OTUD4: variants seen among roughly 807,000 people sequenced by gnomAD.
The protein encoded by OTUD4 is OTU deubiquitinase 4.
OTUD4 carries 24 observed loss-of-function variants against 130.4 expected under a neutral mutation model. The observed-to-expected ratio is 0.18, with a 90% CI of 0.13 to 0.26. The LOEUF is 0.26. Ranked by LOEUF, OTUD4 falls within the 10% of genes least tolerant of loss-of-function variation. OTUD4 has a pLI of 1.00. For missense variants in OTUD4, 1,031 were observed against 1,329.4 expected, an observed-to-expected ratio of 0.78 and a Z score of 3.49; for synonymous variants, 420 against 472.5, an observed-to-expected ratio of 0.89 and a Z score of 1.44.
At position 145,150,626 on chromosome 4, in the gene OTUD4, C is replaced by T. The variant is rs542874923; in HGVS notation, c.1146G>A (p.Gln382=). ...CATGTTGTCTTACTCCTGAAGGATG[C>T]TGCAGTCGAGGAGGTAGTGCTGATG... is the stretch of plus-strand genomic sequence containing the variant. ...KAPSALPPRL[Q]HPSGVRQHAF... The change falls in exon 13 of 21, where the codon CAG becomes CAA. Residue 382 remains glutamine (Q), a synonymous_variant. Transcript: ENST00000447906. The T allele has an allele frequency of 6.2e-7, 1 of 1,613,192 alleles. No individual in the cohort carries two copies. The highest frequency in any genetic ancestry group is 1.7e-5 in the Admixed American group (1 of 59,994).
Position 145,155,684 on chromosome 4 carries a change from C to G in OTUD4, c.693G>C (p.Gln231His), listed in dbSNP as rs745425217. 17 of 1,585,826 alleles carry G rather than the reference C, an allele frequency of 1.1e-5. No homozygotes were observed. In the South Asian group the frequency reaches 1.7e-4, roughly 16 times the overall value. Residue 231 changes from glutamine to histidine, a missense_variant and splice_region_variant, in exon 9 of 21, where the codon CAG becomes CAC. Gln to His is a conservative substitution (Grantham distance 24). Transcript: ENST00000447906. ...TAGTAGAGTTCCCATTGTTCTTCAGCTGCTAAACAAAGTCAGGAAGTCCAA... is the reference window on the plus strand; with the variant it reads ...TAGTAGAGTTCCCATTGTTCTTCAGGTGCTAAACAAAGTCAGGAAGTCCAA... ...NGFKPLSGNE[Q>H]LKNNGNSTSL... is the part of the protein sequence containing the mutation.
chr4:145,164,140 T>C lies in OTUD4; in HGVS notation c.414+14A>G. ...TTTACTTAAATACTTTAGAACACTT[T>C]GAAAAATTCTTACCTTTTCAGGAAA... On this transcript the variant is annotated intron_variant, in intron 5 of 20. Transcript: ENST00000447906. The C allele has an allele frequency of 1.6e-6, 2 of 1,274,488 alleles. No individual in the cohort carries two copies. Among genetic ancestry groups the C allele is most frequent in the Non-Finnish European group, 2.2e-6 (2 of 898,072 alleles). The allele number at this position is 1,274,488 out of a possible 1,614,324, so 78.9% of individuals were successfully genotyped here.
intron 10 of OTUD4, among the ~76,000 whole-genome samples, chr4:145,153,119 A>G (rs1201564299): frequency 6.6e-6 from 1 of 152,186 alleles, no homozygotes; most frequent in Non-Finnish European, 1.5e-5. Flanking sequence ...AATCAAATCC[A>G]TCTCCTTAAC....
chr4:145,158,512 CAAAA>C (rs74576967), intron 7 of OTUD4, among the ~76,000 whole-genome samples: 15 of 141,950 alleles, frequency 1.1e-4, no homozygotes, highest in African/African-American at 3.9e-4. Flanking sequence ...CAAAAAAAAA[CAAAA>C]AAAAAACAAA....
At position 145,150,459 on chromosome 4, in the gene OTUD4, T is replaced by C. The variant is rs1751014743; in HGVS notation, c.1259+54A>G. ...TCAAATGCACATAATGTGGCAAATA[T>C]AACAAATGCCTCTTACTTGATTTCT... On this transcript the variant is annotated intron_variant, in intron 13 of 20. Coordinates refer to ENST00000447906, the MANE Select transcript of OTUD4 (RefSeq NM_001366057.1). The C allele has an allele frequency of 7.9e-6, 10 of 1,259,612 alleles. No individual in the cohort carries two copies. In the South Asian group the frequency reaches 1.2e-4, roughly 15 times the overall value. The allele number at this position is 1,259,612 out of a possible 1,614,324, so 78.0% of individuals were successfully genotyped here.
chr4:145,159,086 T>G (rs575786773), intron 7 of OTUD4: 1 of 977,432 alleles, frequency 1.0e-6, no homozygotes, highest in East Asian at 1.1e-4. Context: ...ACTTGGAACT[T>G]TCATTATCTA....
intron 2 of OTUD4, among the ~76,000 whole-genome samples, chr4:145,174,354 G>A (rs535961335): frequency 2.4e-4 from 36 of 151,954 alleles, no homozygotes; most frequent in Non-Finnish European, 4.9e-4. Context: ...CCCTGACCAT[G>A]TCAGACAAAG....
At chr4:145,164,484 G>GA (rs1289787847) in intron 4 of OTUD4, among the ~76,000 whole-genome samples, 1 of 151,904 alleles carries the variant, frequency 6.6e-6, no homozygotes, top group Non-Finnish European at 1.5e-5. Flanking sequence ...AAAAATCAAA[G>GA]AAATTTTGAA....
chr4:145,168,413 T>TAAA lies in OTUD4; in HGVS notation c.295-3219_295-3217dup, dbSNP rs11432018. Among the ~76,000 whole-genome samples the TAAA allele has an allele frequency of 6.9e-4, 85 of 122,832 alleles. 1 individual carries two copies. Among genetic ancestry groups the TAAA allele is most frequent in the Admixed American group, 2.7e-3 (32 of 12,010 alleles). 80.6% of individuals were successfully genotyped at this position (122,832 alleles called of 152,430 possible). ...ATAATAAATAAATAAAATAAAAAAT[T>TAAA]AAAAAAAAAAAAAAAGAAAATGGAA... On this transcript the variant is annotated intron_variant, in intron 3 of 20. Coordinates refer to ENST00000447906, the MANE Select transcript of OTUD4 (RefSeq NM_001366057.1).
rs1235742205 is a variant in OTUD4 at position 145,156,078 on chromosome 4, A to AAGTC, written c.630-86_630-83dup. Reference sequence around the variant, plus strand: ...TTCTAACCTCATCTAAACGTCTTCAAAGTCAGAACTATGCTCCAAAAAGAG... The same window carrying AAGTC: ...TTCTAACCTCATCTAAACGTCTTCAAAGTCAGTCAGAACTATGCTCCAAAAAGAG... On this transcript the variant is annotated intron_variant, in intron 7 of 20. Coordinates refer to ENST00000447906, the MANE Select transcript of OTUD4 (RefSeq NM_001366057.1). 6.5e-6 allele frequency: 7 copies of AAGTC among 1,073,244 alleles called. No individual in the cohort carries two copies. In the African/African-American group the frequency reaches 1.1e-4, roughly 17 times the overall value. The allele number at this position is 1,073,244 out of a possible 1,614,324, so 66.5% of individuals were successfully genotyped here.
At position 145,159,616 on chromosome 4, in the gene OTUD4, C is replaced by T. The variant is rs887056458; in HGVS notation, c.516G>A (p.Leu172=). 1 of 1,613,118 alleles carries T rather than the reference C, an allele frequency of 6.2e-7. No homozygotes were observed. The highest frequency in any genetic ancestry group is 1.3e-5 in the African/African-American group (1 of 75,014). ...AMCQSLLYEL[L]YEKVFKTDVS... ...CATCAGTTTTAAATACCTTCTCATACAGCAATTCATAAAGGAGAGCTGCAA... is the reference window on the plus strand; with the variant it reads ...CATCAGTTTTAAATACCTTCTCATATAGCAATTCATAAAGGAGAGCTGCAA... Residue 172 remains leucine (L), a synonymous_variant, in exon 7 of 21, where the codon CTG becomes CTA. Transcript: ENST00000447906.
chr4:145,173,588 ACT>A (rs1752282699), intron 2 of OTUD4, among the ~76,000 whole-genome samples: 1 of 151,940 alleles, frequency 6.6e-6, no homozygotes, highest in Non-Finnish European at 1.5e-5. Context: ...ACACCTCTGC[ACT>A]CTCTTATCTA....
chr4:145,158,544 AT>A (rs554679967), intron 7 of OTUD4, among the ~76,000 whole-genome samples: 3 of 152,100 alleles, frequency 2.0e-5, no homozygotes, highest in Non-Finnish European at 4.4e-5. Context: ...ATATACATAT[AT>A]TTTTAAAGTT....
chr4:145,140,374 T>C (rs898918803), intron 19 of OTUD4, among the ~76,000 whole-genome samples: 2 of 152,196 alleles, frequency 1.3e-5, no homozygotes, highest in Non-Finnish European at 2.9e-5. Flanking sequence ...CCTAACTTAT[T>C]AGTAGCATCA....
At position 145,138,017 on chromosome 4, in the gene OTUD4, C is replaced by T. The variant is rs1750368007; in HGVS notation, c.2758G>A (p.Val920Ile). The T allele has an allele frequency of 1.2e-6, 2 of 1,614,186 alleles. No homozygotes were observed. Among genetic ancestry groups the T allele is most frequent in the East Asian group, 4.5e-5 (2 of 44,850 alleles). ...DEFPEARGEH[V>I]HSLPEASVSS... ...ACACTTGCTTCAGGGAGAGAATGTACATGTTCACCCCTGGCTTCTGGAAAC... is the reference window on the plus strand; with the variant it reads ...ACACTTGCTTCAGGGAGAGAATGTATATGTTCACCCCTGGCTTCTGGAAAC... The change falls in exon 21 of 21, where the codon GTA becomes ATA. Residue 920 changes from valine (V) to isoleucine (I), a missense_variant. Val to Ile is a conservative substitution (Grantham distance 29, BLOSUM62 3). Transcript: ENST00000447906.
intron 14 of OTUD4, among the ~76,000 whole-genome samples, chr4:145,144,904 C>CA (rs769287393): frequency 2.8e-4 from 43 of 152,254 alleles, no homozygotes; most frequent in Admixed American, 2.1e-3. Flanking sequence ...TTAAACTCTG[C>CA]ATGAGATAAG....
chr4:145,180,124 G>T lies in OTUD4; in HGVS notation c.-151C>A. ...CGGCAGGCGGCGGCGGCCCGAGGCA[G>T]CGGTCCGCGCTCTCCGGGCGCATAG... On this transcript the variant is annotated 5_prime_UTR_variant, in exon 1 of 21. In the 5' UTR this introduces an upstream ATG that the reference lacks. Transcript: ENST00000447906. 1 of 379,286 alleles carries T rather than the reference G, an allele frequency of 2.6e-6. No homozygotes were observed. Among genetic ancestry groups the T allele is most frequent in the Non-Finnish European group, 3.8e-6 (1 of 264,846 alleles). The allele number at this position is 379,286 out of a possible 1,614,324, so 23.5% of individuals were successfully genotyped here.
At position 145,159,512 on chromosome 4, in the gene OTUD4, T is replaced by C; in HGVS notation, c.620A>G (p.Asp207Gly). 1 of 1,613,556 alleles carries C rather than the reference T, an allele frequency of 6.2e-7. No individual in the cohort carries two copies. The highest frequency in any genetic ancestry group is 8.5e-7 in the Non-Finnish European group (1 of 1,179,692). The stretch of plus-strand genomic sequence containing the variant: ...AGGATTTCATTCTTACTTGCAACTG[T>C]CATCCTCTGAATCTGATATTTCACT... Reference protein sequence around the residue: ...DNSEISDSEDDSCKSKTAAAA... With the variant: ...DNSEISDSEDGSCKSKTAAAA... Residue 207 changes from aspartate to glycine, a missense_variant, in exon 7 of 21, where the codon GAC becomes GGC. Around this residue, in one of 3 missense-constraint regions of OTUD4, gnomAD observed 900 missense variants for 1,095.9 expected, o/e 0.82. Transcript: ENST00000447906.
At chr4:145,152,515 T>C in intron 11 of OTUD4, 26 bp downstream of exon 11, 1 of 1,275,458 alleles carries the variant, frequency 7.8e-7, no homozygotes, top group Non-Finnish European at 1.1e-6. Context: ...AGGCAGTAAA[T>C]GCCTTAGCTG....
Sources: gnomAD v4.1 joint callset for allele counts (sites outside exome capture counted in the v4.1 genomes callset) on GRCh38, gnomAD v4.1.1 for gene constraint, gnomAD v4.1.1 regional missense constraint, MANE v1.5 for transcripts, NCBI Gene and HGNC (gene_info 2026-07-23, HGNC 2026-07-21) for gene names.